Variants in HIBCH observed in about 807,000 individuals in gnomAD.
HIBCH encodes 3-hydroxyisobutyryl-CoA hydrolase.
Under a neutral mutation model 58.2 loss-of-function variants are expected in HIBCH, and 50 were observed. That is an observed-to-expected ratio of 0.86 (90% CI 0.68 to 1.09). The LOEUF is 1.09. Ranked by LOEUF, HIBCH falls within the 50% of genes least tolerant of loss-of-function variation. The probability of loss-of-function intolerance (pLI) is 0.00; values close to 1 mark genes in which losing one functional copy is unlikely to be tolerated. For missense variants in HIBCH, 450 were observed against 449.7 expected (o/e 1.00, Z -0.01); for synonymous variants, 151 against 146.9 (o/e 1.03, Z -0.20).
At chr2:190,314,341 ATATATGTGT>A (rs2124871831) in intron 1 of HIBCH, among the ~76,000 whole-genome samples, 1 of 47,884 alleles carries the variant, frequency 2.1e-5, no homozygotes, top group South Asian at 7.4e-4. Context: ...ATATATACAT[ATATATGTGT>A]ATATATACGT....
At chr2:190,316,770 T>C (rs929166319) in intron 1 of HIBCH, among the ~76,000 whole-genome samples, 1 of 152,136 alleles carries the variant, frequency 6.6e-6, no homozygotes, top group African/African-American at 2.4e-5. Context: ...CAACAAAGAT[T>C]GAGCCTTTGA....
At chr2:190,263,950 G>A (rs933946674) in intron 6 of HIBCH, among the ~76,000 whole-genome samples, 19 of 151,192 alleles carry the variant, frequency 1.3e-4, no homozygotes, top group African/African-American at 4.6e-4. Context: ...AATATATCCC[G>A]GACTGGGCCA....
At chr2:190,227,536 A>G (rs1685944861) in intron 11 of HIBCH, among the ~76,000 whole-genome samples, 1 of 152,270 alleles carries the variant, frequency 6.6e-6, no homozygotes, top group Admixed American at 6.5e-5. Flanking sequence ...TAAATCACCA[A>G]AAACAATGGC....
chr2:190,220,758 C>T (rs866169891), intron 11 of HIBCH, among the ~76,000 whole-genome samples: 1 of 151,818 alleles, frequency 6.6e-6, no homozygotes, highest in Non-Finnish European at 1.5e-5. Flanking sequence ...GGGAACAGTA[C>T]CATCTATTAC....
chr2:190,270,280 TAAAAAAAAAGA>T (rs1687357948), intron 6 of HIBCH, among the ~76,000 whole-genome samples: 1 of 148,250 alleles, frequency 6.7e-6, no homozygotes. Context: ...TTTTTTTTTT[TAAAAAAAAAGA>T]TATTTAAGGT....
At chr2:190,253,029 A>C (rs1686822066) in intron 7 of HIBCH, among the ~76,000 whole-genome samples, 1 of 152,054 alleles carries the variant, frequency 6.6e-6, no homozygotes, top group African/African-American at 2.4e-5. Flanking sequence ...TCTCTACTAA[A>C]ATTCCAAAAA....
chr2:190,194,047 T>C (rs999787590), intron 1 of HIBCH, among the ~76,000 whole-genome samples: 7 of 152,228 alleles, frequency 4.6e-5, no homozygotes, highest in African/African-American at 1.7e-4. Context: ...CCATGGGTTA[T>C]TTAGAAATAT....
At chr2:190,277,910 A>G (rs1159308905) in intron 6 of HIBCH, among the ~76,000 whole-genome samples, 1 of 152,230 alleles carries the variant, frequency 6.6e-6, no homozygotes, top group Non-Finnish European at 1.5e-5. Context: ...TGCCAGATTC[A>G]TGAATTGTTC....
chr2:190,290,325 G>A, intron 5 of HIBCH, 80 bp downstream of exon 5: 2 of 959,724 alleles, frequency 2.1e-6, no homozygotes, highest in Admixed American at 3.5e-5. Context: ...GATGCCTATT[G>A]ATTGCATTTT....
intron 6 of HIBCH, among the ~76,000 whole-genome samples, chr2:190,263,487 T>TTCTACTCCACTTCAC (rs756120298): frequency 6.6e-6 from 1 of 152,158 alleles, no homozygotes; most frequent in Non-Finnish European, 1.5e-5. Context: ...GATGTCATCC[T>TTCTACTCCACTTCAC]TCTACTCCAC....
In HIBCH at chr2:190,209,160, C is replaced by T. The variant is rs73053750; in HGVS notation, c.1012-247G>A. On this transcript the variant is annotated intron_variant, in intron 12 of 13. Coordinates refer to ENST00000359678, the MANE Select transcript of HIBCH (RefSeq NM_014362.4). The surrounding 1 kb of genome is among the most constrained non-coding windows in gnomAD (Gnocchi z 5.6). ...GGTCCACAGATCCTATGACTTTCTC[C>T]CCATCTGTGCTGGCTTCACTTTGCT... 0.032 allele frequency among the ~76,000 whole-genome samples: 4,907 copies of T among 152,186 alleles called. 274 individuals carry two copies. The highest frequency in any genetic ancestry group is 0.11 in the African/African-American group (4,623 of 41,478).
intron 1 of HIBCH, among the ~76,000 whole-genome samples, chr2:190,192,695 T>A (rs999371532): frequency 7.9e-5 from 12 of 152,164 alleles, no homozygotes; most frequent in African/African-American, 2.9e-4. Context: ...TCAGTAACAT[T>A]TTGTATTTTT....
chr2:190,255,551 A>G (rs1421176796), intron 7 of HIBCH, among the ~76,000 whole-genome samples: 1 of 152,228 alleles, frequency 6.6e-6, no homozygotes. Flanking sequence ...CAATATATGG[A>G]TCAATAGTGT....
intron 11 of HIBCH, among the ~76,000 whole-genome samples, chr2:190,225,630 A>G (rs953626777): frequency 2.0e-5 from 3 of 152,196 alleles, no homozygotes; most frequent in African/African-American, 2.4e-5. Context: ...AATAATTAAT[A>G]GCCCACCAAC....
intron 6 of HIBCH, among the ~76,000 whole-genome samples, chr2:190,268,900 C>T (rs891770856): frequency 2.6e-5 from 4 of 152,112 alleles, no homozygotes; most frequent in Non-Finnish European, 1.5e-5. Flanking sequence ...ACCAATGGAA[C>T]AGGACAGAGC....
chr2:190,252,377 G>A lies in HIBCH; in HGVS notation c.518-70C>T, dbSNP rs75377264. On this transcript the variant is annotated intron_variant, in intron 7 of 13. Transcript: ENST00000359678. ...AAAAGATAAATATAACCTTTTTGCC[G>A]TAGATCACACAAACCATTTCTCTCT... 1.6e-3 allele frequency: 2,138 copies of A among 1,311,068 alleles called. 24 individuals are homozygous for A. The African/African-American group carries it at 0.023, about 14-fold the overall frequency. 81.2% of individuals were successfully genotyped at this position (1,311,068 alleles called of 1,614,324 possible).
chr2:190,280,518 C>T (rs191079310), intron 6 of HIBCH, among the ~76,000 whole-genome samples: 2 of 152,284 alleles, frequency 1.3e-5, no homozygotes, highest in African/African-American at 4.8e-5. Context: ...CGTGATCAGC[C>T]GCTTCCCATT....
At position 190,215,786 on chromosome 2, in the gene HIBCH, G is replaced by A. The variant is rs1428776182; in HGVS notation, c.892-2711C>T. The A allele has an allele frequency of 6.6e-6, 1 of 152,440 alleles. No homozygotes were observed. Among genetic ancestry groups the A allele is most frequent in the Non-Finnish European group, 1.5e-5 (1 of 68,248 alleles). 9.4% of individuals were successfully genotyped at this position (152,440 alleles called of 1,614,324 possible). A position where few individuals can be genotyped will look rare whatever the true frequency, so the allele number is the denominator to read the frequency against. On this transcript the variant is annotated intron_variant, in intron 11 of 13. Coordinates refer to ENST00000359678, the MANE Select transcript of HIBCH (RefSeq NM_014362.4). This position sits in a 1 kb window ranked among gnomAD's most constrained non-coding sequence, Gnocchi z 4.4. ...TAAGCTGCTGACCCTGAAGGCAAGGGAAAGCCTGGTGCACAGCTGTGTGTG... is the reference window on the plus strand; with the variant it reads ...TAAGCTGCTGACCCTGAAGGCAAGGAAAAGCCTGGTGCACAGCTGTGTGTG...
chr2:190,317,729 CTTAGG>C (rs1221112991), intron 1 of HIBCH, among the ~76,000 whole-genome samples: 1 of 152,068 alleles, frequency 6.6e-6, no homozygotes, highest in Non-Finnish European at 1.5e-5. Context: ...TGTGGGAGAA[CTTAGG>C]TAAGTTTGAG....
Sources: gnomAD v4.1 joint callset for allele counts (sites outside exome capture counted in the v4.1 genomes callset) on GRCh38, gnomAD v4.1.1 for gene constraint, Gnocchi (gnomAD v3.1) non-coding constraint, MANE v1.5 for transcripts, NCBI Gene and HGNC (gene_info 2026-07-23, HGNC 2026-07-21) for gene names.